Variants in SNTB2 observed in about 807,000 individuals in gnomAD.
SNTB2 encodes beta-2-syntrophin.
SNTB2 carries 34 observed loss-of-function variants against 46.2 expected under a neutral mutation model. The observed-to-expected ratio is 0.74, with a 90% confidence interval of 0.56 to 0.98. The LOEUF is 0.98. Among genes scored for constraint, SNTB2 ranks in the 50% least tolerant of loss-of-function variants. SNTB2 has a pLI of 0.00. For missense variants in SNTB2, 603 were observed against 731.4 expected, an observed-to-expected ratio of 0.82 and a Z score of 2.02; for synonymous variants, 290 against 312.6, an observed-to-expected ratio of 0.93 and a Z score of 0.76.
chr16:69,281,493 T>G (rs1051438605), intron 4 of SNTB2, among the ~76,000 whole-genome samples: 3 of 150,478 alleles, frequency 2.0e-5, no homozygotes, highest in Admixed American at 6.6e-5. Flanking sequence ...TGGTTTTTTT[T>G]TTTTTGTTTT....
chr16:69,305,096 C>A lies in SNTB2; in HGVS notation c.*4172C>A, dbSNP rs562828146. ...GTGTGAGAAAAGGTTATAATAGATT[C>A]TTTTTTTTAATTTTGTGAGAAATTC... On this transcript the variant is annotated 3_prime_UTR_variant, in exon 7 of 7. Coordinates refer to ENST00000336278, the MANE Select transcript of SNTB2 (RefSeq NM_006750.4). The A allele has an allele frequency of 1.3e-5, 2 of 152,104 alleles. No individual in the cohort carries two copies. The highest frequency in any genetic ancestry group is 6.6e-5 in the Admixed American group (1 of 15,244). The allele number at this position is 152,104 out of a possible 1,614,324, so 9.4% of individuals were successfully genotyped here.
chr16:69,267,806 T>C (rs531101322), intron 3 of SNTB2, among the ~76,000 whole-genome samples: 40 of 152,342 alleles, frequency 2.6e-4, no homozygotes, highest in African/African-American at 9.4e-4. Flanking sequence ...TTCTCTGTCA[T>C]GTCCAGATTA....
intron 2 of SNTB2, among the ~76,000 whole-genome samples, chr16:69,249,928 G>A (rs757137344): frequency 1.1e-4 from 17 of 152,026 alleles, no homozygotes; most frequent in Non-Finnish European, 2.2e-4. Context: ...GTGAAACCCC[G>A]TTTCTACTAA....
intron 1 of SNTB2, among the ~76,000 whole-genome samples, chr16:69,215,262 G>A (rs569083394): frequency 7.2e-5 from 11 of 152,322 alleles, no homozygotes; most frequent in South Asian, 4.1e-4. Context: ...ATGCATGCCT[G>A]TTGTCCCAGC....
Position 69,245,700 on chromosome 16 carries a change from G to A in SNTB2, c.679G>A (p.Gly227Ser), listed in dbSNP as rs762212921. ...AGCCCCCCAGTCACCAAGCTTTAGT[G>A]GCAGTGAGGACTCTGGTTCGCCAAA... is the stretch of plus-strand genomic sequence containing the variant. ...GAAPQSPSFSGSEDSGSPKHQ... is the reference protein window; with the variant it reads ...GAAPQSPSFSSSEDSGSPKHQ... The change falls in exon 2 of 7, where the codon GGC becomes AGC. Residue 227 changes from glycine (G) to serine (S), a missense_variant. By Grantham distance (56) the Gly-to-Ser change is moderately conservative (BLOSUM62 0). Transcript: ENST00000336278. The A allele has an allele frequency of 1.2e-5, 20 of 1,613,926 alleles. No homozygotes were observed. The highest frequency in any genetic ancestry group is 6.7e-5 in the Admixed American group (4 of 59,968).
chr16:69,232,455 T>G (rs1964515637), intron 1 of SNTB2, among the ~76,000 whole-genome samples: 1 of 145,814 alleles, frequency 6.9e-6, no homozygotes, highest in South Asian at 2.3e-4. Context: ...TCTGCCCGCC[T>G]CAGCCTCCCA....
intron 5 of SNTB2, among the ~76,000 whole-genome samples, chr16:69,290,616 T>C (rs925613655): frequency 6.6e-6 from 1 of 152,216 alleles, no homozygotes; most frequent in Admixed American, 6.5e-5. Flanking sequence ...TATTTTTCAG[T>C]ATATACTCTG....
intron 4 of SNTB2, among the ~76,000 whole-genome samples, chr16:69,282,306 CAA>C (rs751287865): frequency 1.8e-5 from 2 of 113,030 alleles, no homozygotes; most frequent in African/African-American, 3.2e-5. Flanking sequence ...ACTAAAAATA[CAA>C]AAAAAAAAAA....
intron 1 of SNTB2, among the ~76,000 whole-genome samples, chr16:69,219,913 G>A (rs1285973287): frequency 6.6e-6 from 1 of 151,846 alleles, no homozygotes; most frequent in East Asian, 1.9e-4. Flanking sequence ...ACCACGCCCA[G>A]CTAATTTTTG....
intron 1 of SNTB2, among the ~76,000 whole-genome samples, chr16:69,188,549 A>G (rs893514481): frequency 2.6e-5 from 4 of 152,222 alleles, no homozygotes; most frequent in African/African-American, 9.7e-5. Flanking sequence ...ATCTTTCATG[A>G]TGAATTTGAA....
intron 1 of SNTB2, among the ~76,000 whole-genome samples, chr16:69,237,603 C>CTT (rs397706857): frequency 0.026 from 3,028 of 118,698 alleles, 199 homozygotes; most frequent in African/African-American, 0.093. Flanking sequence ...TTCTTTCTTT[C>CTT]TTTTTTTTTT....
intron 1 of SNTB2, among the ~76,000 whole-genome samples, chr16:69,211,662 A>C (rs1964288574): frequency 6.6e-6 from 1 of 152,174 alleles, no homozygotes; most frequent in African/African-American, 2.4e-5. Context: ...CTAGGGCCAA[A>C]TTTGGGATAA....
At chr16:69,279,367 T>TTGA (rs1289149460) in intron 4 of SNTB2, among the ~76,000 whole-genome samples, 2 of 152,098 alleles carry the variant, frequency 1.3e-5, no homozygotes. Context: ...CCAAATTGTC[T>TTGA]TTATCCTTTC....
intron 1 of SNTB2, among the ~76,000 whole-genome samples, chr16:69,190,813 T>C (rs1425791873): frequency 6.6e-6 from 1 of 152,210 alleles, no homozygotes; most frequent in African/African-American, 2.4e-5. Context: ...TTACTTAATC[T>C]TGCTAAGTAA....
chr16:69,253,937 G>A (rs746363468), intron 2 of SNTB2, among the ~76,000 whole-genome samples: 1 of 152,104 alleles, frequency 6.6e-6, no homozygotes, highest in South Asian at 2.1e-4. Context: ...TCTGTGCCTC[G>A]AGAAGGATGA....
intron 1 of SNTB2, among the ~76,000 whole-genome samples, chr16:69,231,553 C>T (rs1311861050): frequency 1.3e-5 from 2 of 152,236 alleles, no homozygotes; most frequent in African/African-American, 4.8e-5. Context: ...AATGCCATTG[C>T]ATTCCAGCCT....
chr16:69,205,993 TTTG>T (rs904403133), intron 1 of SNTB2, among the ~76,000 whole-genome samples: 1 of 152,118 alleles, frequency 6.6e-6, no homozygotes, highest in Non-Finnish European at 1.5e-5. Context: ...CTCCCACTTT[TTTG>T]TTGTTGTTGT....
chr16:69,279,238 G>A (rs938789574), intron 4 of SNTB2, among the ~76,000 whole-genome samples: 2 of 152,044 alleles, frequency 1.3e-5, no homozygotes, highest in Admixed American at 6.6e-5. Context: ...GATTACCTTG[G>A]ATACCTCATG....
In SNTB2 at chr16:69,302,908, C is replaced by G. The variant is rs2068355044; in HGVS notation, c.*1984C>G. ...TTTCTTTTTTTTTTTGAGACGGAGT[C>G]TCGTTCTGTCTCCCAGGCTGGAGTG... On this transcript the variant is annotated 3_prime_UTR_variant, in exon 7 of 7. Transcript: ENST00000336278. 6.6e-6 allele frequency: 1 copy of G among 151,652 alleles called. No individual in the cohort carries two copies. The highest frequency in any genetic ancestry group is 1.5e-5 in the Non-Finnish European group (1 of 68,016). 9.4% of individuals were successfully genotyped at this position (151,652 alleles called of 1,614,324 possible). A position where few individuals can be genotyped will look rare whatever the true frequency, so the allele number is the denominator to read the frequency against.
Sources: gnomAD v4.1 joint callset for allele counts (sites outside exome capture counted in the v4.1 genomes callset) on GRCh38, gnomAD v4.1.1 for gene constraint, MANE v1.5 for transcripts, NCBI Gene and HGNC (gene_info 2026-07-23, HGNC 2026-07-21) for gene names.